The following SPAG9 variants were observed in gnomAD, a reference collection of about 807,000 sequenced individuals.
The protein encoded by SPAG9 is sperm associated antigen 9.
In SPAG9, 35 loss-of-function variants were observed where a neutral mutation model predicts 166.5. The ratio of observed to expected loss-of-function variants is 0.21; its 90% CI spans 0.16 to 0.28. The LOEUF is 0.28. SPAG9 is among the 10% of genes least tolerant of loss of function. The pLI, the probability that SPAG9 is intolerant of heterozygous loss-of-function variation, is 1.00. For synonymous variants in SPAG9, 534 were observed against 565.5 expected, an observed-to-expected ratio of 0.94 and a Z score of 0.79; for missense variants, 1,235 against 1,603.3, an observed-to-expected ratio of 0.77 and a Z score of 3.92.
intron 1 of SPAG9, among the ~76,000 whole-genome samples, chr17:51,100,714 G>A (rs1240628245): frequency 6.6e-6 from 1 of 152,164 alleles, no homozygotes; most frequent in Non-Finnish European, 1.5e-5. Flanking sequence ...GAGGTTGGGA[G>A]TTCCAGACCA....
rs1037242185 is a variant in SPAG9 at position 51,120,859 on chromosome 17, A to C, written c.-203T>G. On this transcript the variant is annotated 5_prime_UTR_variant, in exon 1 of 30. Coordinates refer to ENST00000262013, the MANE Select transcript of SPAG9 (RefSeq NM_001130528.3). The surrounding 1 kb of genome is among the most constrained non-coding windows in gnomAD (Gnocchi z 4.7). ...GCGCTCTCACCCCAACCGCCGCTGCACCAACTGCCGGGGCGGCCCGGCCGC... is the reference window on the plus strand; with the variant it reads ...GCGCTCTCACCCCAACCGCCGCTGCCCCAACTGCCGGGGCGGCCCGGCCGC... 3.2e-6 allele frequency: 1 copy of C among 310,098 alleles called. No individual in the cohort carries two copies. The highest frequency in any genetic ancestry group is 2.2e-5 in the African/African-American group (1 of 45,480). 19.2% of individuals were successfully genotyped at this position (310,098 alleles called of 1,614,324 possible).
chr17:51,094,524 TTTTTGTCTTTC>T (rs1351946658), intron 1 of SPAG9, among the ~76,000 whole-genome samples: 1 of 152,196 alleles, frequency 6.6e-6, no homozygotes, highest in Non-Finnish European at 1.5e-5. Flanking sequence ...AATCCAGCAC[TTTTTGTCTTTC>T]TTATATACAA....
intron 28 of SPAG9, among the ~76,000 whole-genome samples, chr17:50,973,523 T>G (rs570794174): frequency 5.9e-5 from 9 of 152,332 alleles, no homozygotes; most frequent in Admixed American, 2.0e-4. Context: ...GGGTACCATA[T>G]GCCAGCCCTT....
At chr17:50,981,520 AGATAGAT>A (rs1487783681) in intron 25 of SPAG9, among the ~76,000 whole-genome samples, 52 of 149,454 alleles carry the variant, frequency 3.5e-4, no homozygotes, top group Admixed American at 9.3e-4. Flanking sequence ...ATAGATAGAT[AGATAGAT>A]AGAAAGAAAG....
rs549557870 is a variant in SPAG9, at chr17:51,092,306, C to T, written c.304-12602G>A. On this transcript the variant is annotated intron_variant, in intron 1 of 29. Coordinates refer to ENST00000262013, the MANE Select transcript of SPAG9 (RefSeq NM_001130528.3). ...TTTTTTAACACAAATGATTTGGTTT[C>T]TTCTACAATAAATGTCAAGTGGGGA... Among the ~76,000 whole-genome samples, 16 of 151,304 alleles carry T rather than the reference C, an allele frequency of 1.1e-4. No homozygotes were observed. The South Asian group carries it at 3.3e-3, about 32-fold the overall frequency.
chr17:50,970,402 T>C (rs1039020246), intron 29 of SPAG9, among the ~76,000 whole-genome samples: 2 of 151,108 alleles, frequency 1.3e-5, no homozygotes, highest in African/African-American at 4.9e-5. Flanking sequence ...TAATTCTAGC[T>C]ACCTGGGGGG....
At chr17:51,043,861 C>T (rs1166218814) in intron 4 of SPAG9, among the ~76,000 whole-genome samples, 1 of 152,140 alleles carries the variant, frequency 6.6e-6, no homozygotes, top group African/African-American at 2.4e-5. Context: ...AAGTTTAAAA[C>T]TATTGGGGGA....
At chr17:51,002,068 T>C (rs913918878) in intron 12 of SPAG9, among the ~76,000 whole-genome samples, 10 of 152,174 alleles carry the variant, frequency 6.6e-5, no homozygotes, top group Non-Finnish European at 1.5e-4. Flanking sequence ...CACCCTGAAG[T>C]GCAGTGGTGA....
chr17:50,973,318 G>T (rs1973963049), intron 28 of SPAG9, among the ~76,000 whole-genome samples: 1 of 152,130 alleles, frequency 6.6e-6, no homozygotes, highest in African/African-American at 2.4e-5. Flanking sequence ...AAGGAGAGGA[G>T]AATGGGATTG....
chr17:51,077,101 G>GCTATCTAGCTAGCTATCTAT (rs1491297561), intron 2 of SPAG9, among the ~76,000 whole-genome samples: 1 of 102,074 alleles, frequency 9.8e-6, no homozygotes, highest in African/African-American at 5.7e-5. Context: ...TATCTATCTA[G>GCTATCTAGCTAGCTATCTAT]CTAGCTATCT....
At chr17:51,007,155 G>C (rs1016283519) in intron 10 of SPAG9, 114 bp downstream of exon 10, 2 of 558,516 alleles carry the variant, frequency 3.6e-6, no homozygotes, top group Admixed American at 3.1e-5. Flanking sequence ...TCAGAGTTGG[G>C]GAACGAGATG....
At position 50,964,535 on chromosome 17, in the gene SPAG9, C is replaced by CCT; in HGVS notation, c.*1736_*1737insAG. On this transcript the variant is annotated 3_prime_UTR_variant, in exon 30 of 30. Coordinates refer to ENST00000262013, the MANE Select transcript of SPAG9 (RefSeq NM_001130528.3). Reference sequence around the variant, plus strand: ...CCTGAGAGGTGGAGGTTGCAGTGAGCTGAGATCGCACCACTGCATTCCAGC... The same window carrying CCT: ...CCTGAGAGGTGGAGGTTGCAGTGAGCCTTGAGATCGCACCACTGCATTCCAGC... 3 of 193,410 alleles carry CCT rather than the reference C, an allele frequency of 1.6e-5. No individual in the cohort carries two copies. Among genetic ancestry groups the CCT allele is most frequent in the Non-Finnish European group, 3.2e-5 (3 of 93,682 alleles). 12.0% of individuals were successfully genotyped at this position (193,410 alleles called of 1,614,324 possible).
intron 4 of SPAG9, chr17:51,046,831 G>A (rs761311033): frequency 1.7e-5 from 26 of 1,532,108 alleles, no homozygotes; most frequent in South Asian, 1.6e-4. Flanking sequence ...ACGTCATTCC[G>A]TTCTCCCCAC....
chr17:50,995,625 A>G (rs1240883715), intron 16 of SPAG9, 92 bp from the exon 17 acceptor site: 2 of 788,408 alleles, frequency 2.5e-6, no homozygotes, highest in East Asian at 2.5e-5. Flanking sequence ...ATGAGCAAGC[A>G]CTGCTGTTAT....
chr17:50,966,132 A>G lies in SPAG9; in HGVS notation c.*140T>C. 5 of 673,566 alleles carry G rather than the reference A, an allele frequency of 7.4e-6. No individual in the cohort carries two copies. In the South Asian group the frequency reaches 8.5e-5, roughly 11 times the overall value. The allele number at this position is 673,566 out of a possible 1,614,324, so 41.7% of individuals were successfully genotyped here. ...ATTGTTATGGTAGAACGGATTTTGT[A>G]ATATAAAGTTAACAGGAAAAAATGC... On this transcript the variant is annotated 3_prime_UTR_variant, in exon 30 of 30. Transcript: ENST00000262013.
chr17:51,099,293 C>T (rs547979718), intron 1 of SPAG9, among the ~76,000 whole-genome samples: 3 of 149,652 alleles, frequency 2.0e-5, no homozygotes, highest in Admixed American at 6.7e-5. Context: ...ATCAGCCAGG[C>T]GTGGTGGCGC....
chr17:51,067,951 T>G (rs2047720629), intron 2 of SPAG9, among the ~76,000 whole-genome samples: 1 of 152,194 alleles, frequency 6.6e-6, no homozygotes, highest in Non-Finnish European at 1.5e-5. Context: ...TTGATGGCCT[T>G]TGCCAAGTTT....
chr17:51,021,971 A>C (rs1279678632), intron 6 of SPAG9, among the ~76,000 whole-genome samples: 3 of 152,008 alleles, frequency 2.0e-5, no homozygotes, highest in Non-Finnish European at 2.9e-5. Context: ...AAAAATACAA[A>C]AAGTAGCCAG....
At chr17:51,082,402 A>C (rs1031026438) in intron 1 of SPAG9, among the ~76,000 whole-genome samples, 3 of 151,268 alleles carry the variant, frequency 2.0e-5, no homozygotes, top group East Asian at 1.9e-4. Context: ...AAAAAAAAAA[A>C]AACCTGTGAT....
Sources: gnomAD v4.1 joint callset for allele counts (sites outside exome capture counted in the v4.1 genomes callset) on GRCh38, gnomAD v4.1.1 for gene constraint, Gnocchi (gnomAD v3.1) non-coding constraint, MANE v1.5 for transcripts, NCBI Gene and HGNC (gene_info 2026-07-23, HGNC 2026-07-21) for gene names.